Variants in DMD observed in about 807,000 individuals in gnomAD.
The protein encoded by DMD is dystrophin.
In DMD, 63 loss-of-function variants were observed where a neutral mutation model predicts 330.1. The ratio of observed to expected loss-of-function variants is 0.19; its 90% CI spans 0.16 to 0.24. The LOEUF (loss-of-function observed/expected upper bound fraction) is 0.24. Among genes scored for constraint, DMD ranks in the 10% least tolerant of loss-of-function variants. The pLI is 1.00. For synonymous variants in DMD, 1,223 were observed against 959.8 expected (o/e 1.27, Z -5.07); for missense variants, 3,344 against 2,684.1 (o/e 1.25, Z -5.43).
At chrX:32,997,327 C>A (rs1300176167) in intron 2 of DMD, among the ~76,000 whole-genome samples, 2 of 109,144 alleles carry the variant, frequency 1.8e-5, no homozygotes, top group African/African-American at 6.7e-5. Context: ...CTCACTGCAA[C>A]CTCCGCCTCC....
chrX:33,057,913 C>G (rs2094537168), intron 1 of DMD, among the ~76,000 whole-genome samples: 1 of 112,022 alleles, frequency 8.9e-6, no homozygotes, highest in Non-Finnish European at 1.9e-5. Context: ...AAGTCTCGCT[C>G]TGTCACCCAG....
At chrX:31,612,709 C>A (rs1433482940) in intron 55 of DMD, among the ~76,000 whole-genome samples, 1 of 111,434 alleles carries the variant, frequency 9.0e-6, no homozygotes, top group South Asian at 3.8e-4. Context: ...TATTAAAATA[C>A]CTTTGGGGCA....
chrX:31,616,874 T>A (rs1427833785), intron 55 of DMD, among the ~76,000 whole-genome samples: 3 of 111,293 alleles, frequency 2.7e-5, no homozygotes. Flanking sequence ...ACCTTAAAAA[T>A]GAACTTGAAA....
intron 2 of DMD, among the ~76,000 whole-genome samples, chrX:32,862,890 C>G (rs977189387): frequency 9.1e-6 from 1 of 110,458 alleles, no homozygotes; most frequent in Non-Finnish European, 1.9e-5. Context: ...GCGCGAGCCA[C>G]TACGCTTGGC....
intron 29 of DMD, among the ~76,000 whole-genome samples, chrX:32,433,030 C>T (rs1569562269): frequency 8.9e-6 from 1 of 111,942 alleles, no homozygotes; most frequent in Non-Finnish European, 1.9e-5. Flanking sequence ...CATTAATAAG[C>T]CACGAAAGAG....
At chrX:32,903,144 C>CAAAAAAAAAAA (rs34973696) in intron 2 of DMD, among the ~76,000 whole-genome samples, 7 of 32,959 alleles carry the variant, frequency 2.1e-4, no homozygotes, top group East Asian at 1.4e-3. Flanking sequence ...GACTCAGTCT[C>CAAAAAAAAAAA]AAAAAAAAAA....
At position 32,454,839 on chromosome X, in the gene DMD, CA is replaced by C. The variant is rs2098349630; in HGVS notation, c.3433-8del. The C allele has an allele frequency of 1.7e-6, 2 of 1,204,232 alleles. No individual in the cohort carries two copies. The highest frequency in any genetic ancestry group is 2.2e-6 in the Non-Finnish European group (2 of 891,512). ...CCTCCTTTCTGGCATAGACCTTCCA[CA>C]AAACAAACAAACAAAACACGATTAT... On this transcript the variant is annotated splice_polypyrimidine_tract_variant and splice_region_variant and intron_variant, in intron 25 of 78. Coordinates refer to ENST00000357033, the MANE Select transcript of DMD (RefSeq NM_004006.3).
chrX:33,027,281 G>C lies in DMD; in HGVS notation c.32-7081C>G, dbSNP rs1954254439. Among the ~76,000 whole-genome samples the C allele has an allele frequency of 4.5e-5, 5 of 111,717 alleles. No individual in the cohort carries two copies. The South Asian group carries it at 1.9e-3, about 42-fold the overall frequency. On this transcript the variant is annotated intron_variant, in intron 1 of 78. Transcript: ENST00000357033. Reference sequence around the variant, plus strand: ...CTATGAGAAGGACTTGGTCCGAGGTGGCTGGTTTTGAAGATGTACGAAGAA... The same window carrying C: ...CTATGAGAAGGACTTGGTCCGAGGTCGCTGGTTTTGAAGATGTACGAAGAA...
At chrX:31,608,754 T>C (rs1186227543) in intron 55 of DMD, among the ~76,000 whole-genome samples, 2 of 111,040 alleles carry the variant, frequency 1.8e-5, no homozygotes, top group African/African-American at 6.5e-5. Flanking sequence ...TGTATAGATC[T>C]CTTAAGGCCT....
intron 55 of DMD, among the ~76,000 whole-genome samples, chrX:31,566,981 A>G (rs2075502446): frequency 9.0e-6 from 1 of 111,407 alleles, no homozygotes; most frequent in South Asian, 3.7e-4. Context: ...TCTAAATGTA[A>G]GCCCATCATA....
chrX:32,827,065 C>CCA (rs1557061628), intron 4 of DMD, among the ~76,000 whole-genome samples: 1,305 of 68,629 alleles, frequency 0.019, 89 homozygotes, highest in African/African-American at 0.073. Context: ...CACCCCCCCC[C>CCA]CACACACACA....
intron 43 of DMD, among the ~76,000 whole-genome samples, chrX:32,229,461 C>T (rs6628688): frequency 0.076 from 7,954 of 105,278 alleles, 462 homozygotes; most frequent in East Asian, 0.45. Context: ...CTTAAAGTAT[C>T]GTTGCTTATA....
At chrX:32,460,533 A>G (rs547922120) in intron 25 of DMD, among the ~76,000 whole-genome samples, 2 of 111,412 alleles carry the variant, frequency 1.8e-5, no homozygotes, top group African/African-American at 6.5e-5. Flanking sequence ...AAAGTACTTG[A>G]CATAATGACT....
intron 50 of DMD, among the ~76,000 whole-genome samples, chrX:31,786,633 A>C (rs1487819716): frequency 3.6e-5 from 4 of 111,778 alleles, no homozygotes; most frequent in African/African-American, 1.3e-4. Context: ...ATGCACCCAC[A>C]CTACCAATAT....
intron 2 of DMD, among the ~76,000 whole-genome samples, chrX:33,005,622 A>T (rs1328977210): frequency 2.1e-5 from 1 of 47,102 alleles, no homozygotes; most frequent in African/African-American, 5.7e-5. Context: ...ATGACAATAT[A>T]AAAAAATGAA....
chrX:31,648,092 A>G (rs1260234403), intron 54 of DMD, among the ~76,000 whole-genome samples: 1 of 111,967 alleles, frequency 8.9e-6, no homozygotes, highest in Non-Finnish European at 1.9e-5. Context: ...GATTTTTTTA[A>G]ATGAAAAAAT....
At chrX:32,635,450 G>A (rs748892452) in intron 11 of DMD, among the ~76,000 whole-genome samples, 1 of 111,428 alleles carries the variant, frequency 9.0e-6, no homozygotes, top group Non-Finnish European at 1.9e-5. Context: ...AATAAACTTC[G>A]AGACTCATTT....
chrX:32,423,080 A>C (rs777822738), intron 29 of DMD, among the ~76,000 whole-genome samples: 1 of 111,400 alleles, frequency 9.0e-6, no homozygotes, highest in African/African-American at 3.2e-5. Context: ...AACTTAAAAG[A>C]GAAACTTCAA....
At chrX:31,590,930 CG>C (rs1175345510) in intron 55 of DMD, among the ~76,000 whole-genome samples, 1 of 111,229 alleles carries the variant, frequency 9.0e-6, no homozygotes, top group Non-Finnish European at 1.9e-5. Flanking sequence ...AGTGAAGGGC[CG>C]GAAGTTCTTT....
Sources: allele counts gnomAD v4.1 joint callset (sites outside exome capture counted in the v4.1 genomes callset), GRCh38; gene constraint gnomAD v4.1.1; transcripts MANE v1.5; gene names NCBI Gene and HGNC (gene_info 2026-07-23, HGNC 2026-07-21).